The following PARP15 variants were observed in gnomAD, a reference collection of about 807,000 sequenced individuals.
PARP15 encodes the protein poly(ADP-ribose) polymerase family member 15, also known as protein mono-ADP-ribosyltransferase PARP15.
A neutral mutation model predicts 62.1 loss-of-function variants in PARP15; 50 were observed. The observed-to-expected ratio is 0.81, with a 90% CI of 0.64 to 1.02. The LOEUF is 1.02. PARP15 is among the 50% of genes least tolerant of loss of function. PARP15 has a pLI of 0.00. For missense variants in PARP15, 820 were observed against 826.5 expected, an observed-to-expected ratio of 0.99 and a Z score of 0.10; for synonymous variants, 309 against 293.1, an observed-to-expected ratio of 1.05 and a Z score of -0.55.
chr3:122,613,024 T>G lies in PARP15; in HGVS notation c.544-17T>G, dbSNP rs574549152. The G allele has an allele frequency of 3.9e-6, 6 of 1,540,408 alleles. No individual in the cohort carries two copies. In the South Asian group the frequency reaches 7.2e-5, roughly 18 times the overall value. On this transcript the variant is annotated splice_polypyrimidine_tract_variant and intron_variant, in intron 3 of 11. Coordinates refer to ENST00000464300, the MANE Select transcript of PARP15 (RefSeq NM_001113523.3). Reference sequence around the variant, plus strand: ...GCTTAAGCCCTAACTTATGTAAATGTACTTTGCACATTTCAGATCATGGCA... The same window carrying G: ...GCTTAAGCCCTAACTTATGTAAATGGACTTTGCACATTTCAGATCATGGCA...
At chr3:122,593,137 A>T (rs554618564) in intron 1 of PARP15, among the ~76,000 whole-genome samples, 2,148 of 16,996 alleles carry the variant, frequency 0.13, 59 homozygotes, top group African/African-American at 0.19. Flanking sequence ...TCTATCTATC[A>T]TGTATCTATC....
Position 122,610,578 on chromosome 3 carries a change from C to T in PARP15, c.391C>T (p.Pro131Ser), listed in dbSNP as rs202117504. 72 of 1,551,512 alleles carry T rather than the reference C, an allele frequency of 4.6e-5. No individual in the cohort carries two copies. Among genetic ancestry groups the T allele is most frequent in the Non-Finnish European group, 6.3e-5 (72 of 1,147,014 alleles). Reference sequence around the variant, plus strand: ...TCGGGCATTTTTGCAGAAAGCTGGTCCCATGCTCCAGAAAGAGTTAGATGA... The same window carrying T: ...TCGGGCATTTTTGCAGAAAGCTGGTTCCATGCTCCAGAAAGAGTTAGATGA... ...LSRAFLQKAG[P>S]MLQKELDDRR... The change falls in exon 3 of 12, where the codon CCC becomes TCC. Residue 131 changes from proline (P) to serine (S), a missense_variant. Pro to Ser is a moderately conservative substitution (Grantham distance 74). This residue lies in a region of PARP15 where 731 missense variants were observed against 727.7 expected (regional missense o/e 1.00). Coordinates refer to ENST00000464300, the MANE Select transcript of PARP15 (RefSeq NM_001113523.3).
At chr3:122,634,028 C>T (rs185743007) in intron 10 of PARP15, among the ~76,000 whole-genome samples, 248 of 152,266 alleles carry the variant, frequency 1.6e-3, no homozygotes, top group African/African-American at 5.5e-3. Flanking sequence ...TGCAAACCTT[C>T]GTTACTCTCC....
Position 122,610,483 on chromosome 3 carries a change from T to C in PARP15, c.307-11T>C. The C allele has an allele frequency of 6.5e-7, 1 of 1,545,186 alleles. No individual in the cohort carries two copies. Among genetic ancestry groups the C allele is most frequent in the Non-Finnish European group, 8.7e-7 (1 of 1,143,646 alleles). On this transcript the variant is annotated splice_polypyrimidine_tract_variant and intron_variant, in intron 2 of 11. Transcript: ENST00000464300. ...TTGATTCAATCTCTAACTGTTGCTA[T>C]TTTCGTTAAGGCCGATGTCATTGTC...
rs1186310342 is a variant in PARP15 at position 122,635,904 on chromosome 3, A to T, written c.1841A>T (p.His614Leu). 1.2e-6 allele frequency: 2 copies of T among 1,614,042 alleles called. No individual in the cohort carries two copies. Among genetic ancestry groups the T allele is most frequent in the African/African-American group, 2.7e-5 (2 of 74,912 alleles). ...AAGCCAGACAGCAATGGGAGAAAGC[A>T]CATGTACGTTGTGCGAGTACTTACT... is the stretch of plus-strand genomic sequence containing the variant. ...YSKPDSNGRK[H>L]MYVVRVLTGV... is the part of the protein sequence containing the mutation. The change falls in exon 12 of 12, where the codon CAC (histidine) becomes CTC (leucine). Residue 614 changes from histidine (H) to leucine (L), a missense_variant. By Grantham distance (99) the His-to-Leu change is moderately conservative. Coordinates refer to ENST00000464300, the MANE Select transcript of PARP15 (RefSeq NM_001113523.3).
intron 8 of PARP15, among the ~76,000 whole-genome samples, chr3:122,624,656 A>G (rs1406931646): frequency 1.3e-5 from 2 of 152,190 alleles, no homozygotes; most frequent in Non-Finnish European, 2.9e-5. Context: ...AATTAAGACC[A>G]CTGTTTCCCC....
rs1043544997 is a variant in PARP15 at position 122,577,676 on chromosome 3, G to A, written c.9G>A (p.Ala3=). MA[A]PGPLPAAALS... is the part of the protein sequence containing the mutation. Reference sequence around the variant, plus strand: ...GTCCCAGCGAGCTGAGGATGGCTGCGCCAGGCCCCCTTCCTGCCGCTGCTC... The same window carrying A: ...GTCCCAGCGAGCTGAGGATGGCTGCACCAGGCCCCCTTCCTGCCGCTGCTC... Residue 3 remains alanine (A), a synonymous_variant, in exon 1 of 12, where the codon GCG becomes GCA. Coordinates refer to ENST00000464300, the MANE Select transcript of PARP15 (RefSeq NM_001113523.3). The A allele has an allele frequency of 1.3e-5, 20 of 1,551,430 alleles. No homozygotes were observed. In the African/African-American group the frequency reaches 2.5e-4, roughly 19 times the overall value.
chr3:122,586,017 A>G (rs1210621693), intron 1 of PARP15, among the ~76,000 whole-genome samples: 1 of 152,252 alleles, frequency 6.6e-6, no homozygotes, highest in African/African-American at 2.4e-5. Flanking sequence ...AGTTAAATAA[A>G]TATAGAACTT....
intron 1 of PARP15, among the ~76,000 whole-genome samples, chr3:122,603,231 C>G (rs888411517): frequency 2.6e-5 from 4 of 152,114 alleles, no homozygotes; most frequent in African/African-American, 9.7e-5. Context: ...GCCTAAAATG[C>G]ATCACCTGAT....
In PARP15 at chr3:122,626,820, T is replaced by C. The variant is rs745589346; in HGVS notation, c.1232-7T>C. The C allele has an allele frequency of 8.6e-5, 138 of 1,602,884 alleles. No individual in the cohort carries two copies. The highest frequency in any genetic ancestry group is 1.2e-4 in the Non-Finnish European group (137 of 1,177,014). ...GAAACTTCTTTGTCATTAAATTTTT[T>C]TTTCAGGAAATGCCGGAAAAAACCC... is the stretch of plus-strand genomic sequence containing the variant. On this transcript the variant is annotated splice_polypyrimidine_tract_variant and splice_region_variant and intron_variant, in intron 8 of 11. Transcript: ENST00000464300.
Position 122,577,857 on chromosome 3 carries a change from A to G in PARP15, c.186+4A>G, listed in dbSNP as rs780841804. On this transcript the variant is annotated splice_donor_region_variant and intron_variant, in intron 1 of 11. Coordinates refer to ENST00000464300, the MANE Select transcript of PARP15 (RefSeq NM_001113523.3). ...GCGCTCTTCCTCCCGGAGTATGGTG[A>G]GGAGCGCGGGGGACGGGTGCGGGAA... The G allele has an allele frequency of 1.1e-4, 171 of 1,542,100 alleles. No individual in the cohort carries two copies. Among genetic ancestry groups the G allele is most frequent in the Non-Finnish European group, 1.4e-4 (159 of 1,141,408 alleles).
intron 5 of PARP15, 140 bp from the exon 6 acceptor site, chr3:122,616,875 C>T (rs1289316925): frequency 5.8e-5 from 49 of 850,518 alleles, no homozygotes; most frequent in Non-Finnish European, 8.2e-5. Context: ...TTTAAGAGGC[C>T]AGGAGATGTG....
intron 1 of PARP15, among the ~76,000 whole-genome samples, chr3:122,595,451 C>T (rs1204181211): frequency 6.6e-6 from 1 of 152,212 alleles, no homozygotes. Context: ...CTCTTAGCAG[C>T]ATTTCATACA....
intron 1 of PARP15, among the ~76,000 whole-genome samples, chr3:122,583,134 T>TG (rs1933098735): frequency 6.9e-6 from 1 of 143,936 alleles, no homozygotes. Context: ...TTTTTTTTTT[T>TG]TTTGAGATGG....
At position 122,635,684 on chromosome 3, in the gene PARP15, A is replaced by T. The variant is rs1265947163; in HGVS notation, c.1748-127A>T. On this transcript the variant is annotated intron_variant, in intron 11 of 11. Transcript: ENST00000464300. ...TGCCTCAGCCTCCCAAAGTGTTGGGATTACAGGCATGAGCCAACACACCTG... is the reference window on the plus strand; with the variant it reads ...TGCCTCAGCCTCCCAAAGTGTTGGGTTTACAGGCATGAGCCAACACACCTG... The T allele has an allele frequency of 2.8e-6, 3 of 1,066,472 alleles. No homozygotes were observed. The African/African-American group carries it at 4.8e-5, about 17-fold the overall frequency. The allele number at this position is 1,066,472 out of a possible 1,614,324, so 66.1% of individuals were successfully genotyped here.
chr3:122,627,096 A>C, intron 9 of PARP15, 63 bp downstream of exon 9: 2 of 1,334,940 alleles, frequency 1.5e-6, no homozygotes, highest in Non-Finnish European at 2.1e-6. Context: ...AAAATGTTTA[A>C]GTGTGAATGT....
rs1332223261 is a variant in PARP15, at chr3:122,636,901, CCT to C, written c.*805_*806del. ...GGTATTGGCAGTCCTCAGTTCCTCT[CCT>C]CTCAGGCCTCTCCACAGGCTGCTTG... On this transcript the variant is annotated 3_prime_UTR_variant, in exon 12 of 12. Transcript: ENST00000464300. The C allele has an allele frequency of 1.3e-5, 2 of 152,240 alleles. No homozygotes were observed. The highest frequency in any genetic ancestry group is 2.9e-5 in the Non-Finnish European group (2 of 68,102). The allele number at this position is 152,240 out of a possible 1,614,324, so 9.4% of individuals were successfully genotyped here.
At chr3:122,590,663 ACTT>A (rs36093875) in intron 1 of PARP15, among the ~76,000 whole-genome samples, 78,513 of 151,676 alleles carry the variant, frequency 0.52, 20,522 homozygotes, top group African/African-American at 0.57. Flanking sequence ...AAGGAGAGTG[ACTT>A]CTTCTTCACT....
chr3:122,598,464 C>T (rs566521873), intron 1 of PARP15, among the ~76,000 whole-genome samples: 8 of 152,128 alleles, frequency 5.3e-5, no homozygotes, highest in Non-Finnish European at 1.2e-4. Flanking sequence ...TGGCTCCTGT[C>T]AGACACTACA....
Sources: gnomAD v4.1 joint callset for allele counts (sites outside exome capture counted in the v4.1 genomes callset) on GRCh38, gnomAD v4.1.1 for gene constraint, gnomAD v4.1.1 regional missense constraint, MANE v1.5 for transcripts, NCBI Gene and HGNC (gene_info 2026-07-23, HGNC 2026-07-21) for gene names.